Variants in SORBS2 observed in about 807,000 individuals in gnomAD.
The protein encoded by SORBS2 is sorbin and SH3 domain containing 2.
SORBS2 carries 46 observed loss-of-function variants against 97.7 expected under a neutral mutation model. That is an observed-to-expected ratio of 0.47 (90% confidence interval 0.37 to 0.60). The LOEUF is 0.60. Ranked by LOEUF, SORBS2 falls within the 20% of genes least tolerant of loss-of-function variation. SORBS2 has a pLI of 0.00. For synonymous variants in SORBS2, 476 were observed against 473.4 expected (o/e 1.01, Z -0.07); for missense variants, 1,316 against 1,282.3 (o/e 1.03, Z -0.40).
intron 4 of SORBS2, 81 bp downstream of exon 7, chr4:185,678,342 C>T (rs2097825211): frequency 8.8e-7 from 1 of 1,136,314 alleles, no homozygotes; most frequent in Non-Finnish European, 1.2e-6. Context: ...TTGAAATACG[C>T]ACATTAGGAA....
intron 1 of SORBS2, among the ~76,000 whole-genome samples, chr4:185,879,289 A>G (rs1014378462): frequency 6.7e-6 from 1 of 149,328 alleles, no homozygotes; most frequent in East Asian, 2.0e-4. Flanking sequence ...CTGTCCTTGC[A>G]ATAGTTTGCT....
intron 1 of SORBS2, among the ~76,000 whole-genome samples, chr4:185,825,579 AT>A (rs2099199321): frequency 6.6e-6 from 1 of 151,942 alleles, no homozygotes; most frequent in African/African-American, 2.4e-5. Context: ...CATTTCTGTT[AT>A]TTTTCTTTTT....
At chr4:185,920,018 C>T (rs1004783584) in intron 1 of SORBS2, among the ~76,000 whole-genome samples, 2 of 152,134 alleles carry the variant, frequency 1.3e-5, no homozygotes, top group South Asian at 2.1e-4. Flanking sequence ...CTTAATATTT[C>T]CATTTAAGAA....
intron 2 of SORBS2, among the ~76,000 whole-genome samples, chr4:185,716,839 T>C (rs1015104876): frequency 3.3e-5 from 5 of 152,120 alleles, no homozygotes; most frequent in Admixed American, 3.3e-4. Context: ...GAAACATCAG[T>C]GGAGGGAGGA....
chr4:185,657,261 T>C, upstream of SORBS2: 1 of 556,970 alleles, frequency 1.8e-6, no homozygotes, highest in Non-Finnish European at 2.8e-6. Context: ...ATCAACAGCT[T>C]TCTTTCTCTG....
chr4:185,600,910 T>C (rs1038464732), intron 12 of SORBS2, among the ~76,000 whole-genome samples: 26 of 120,008 alleles, frequency 2.2e-4, no homozygotes, highest in Non-Finnish European at 4.0e-4. Context: ...GTTTTGGTGT[T>C]TTTTTTTTAT....
At chr4:185,603,497 G>C (rs1399145095) in intron 12 of SORBS2, among the ~76,000 whole-genome samples, 3 of 152,178 alleles carry the variant, frequency 2.0e-5, no homozygotes, top group Admixed American at 6.5e-5. Flanking sequence ...GAATGGGTTT[G>C]GTGGTAGTGG....
chr4:185,924,457 A>G (rs4862593), intron 1 of SORBS2, among the ~76,000 whole-genome samples: 57,647 of 152,058 alleles, frequency 0.38, 11,112 homozygotes, highest in East Asian at 0.57. Flanking sequence ...CCTAGCAGAA[A>G]AGCCCCCACC....
intron 12 of SORBS2, among the ~76,000 whole-genome samples, chr4:185,602,673 G>A (rs1174697446): frequency 6.6e-6 from 1 of 152,164 alleles, no homozygotes; most frequent in Non-Finnish European, 1.5e-5. Context: ...TCAGTGCTGG[G>A]TTATTTCTTT....
At chr4:185,664,519 C>T (rs1021594147) in intron 4 of SORBS2, among the ~76,000 whole-genome samples, 2 of 152,180 alleles carry the variant, frequency 1.3e-5, no homozygotes, top group Admixed American at 1.3e-4. Flanking sequence ...GGAACCCACA[C>T]CTGCTGTGCT....
At chr4:185,748,350 G>A (rs1377934727) in intron 2 of SORBS2, among the ~76,000 whole-genome samples, 2 of 152,168 alleles carry the variant, frequency 1.3e-5, no homozygotes, top group Non-Finnish European at 2.9e-5. Flanking sequence ...TTTCAATCAT[G>A]CTGGTTTTGA....
chr4:185,623,913 G>A lies in SORBS2; in HGVS notation c.1216C>T (p.Pro406Ser). ...ATGCGTGTGGGCACCATGTCCCGGG[G>A]CACCTCCTCCGTGGAGCACTGGCTC... Residue 406 changes from proline to serine, a missense_variant, in exon 7 of 15, where the codon CCC (proline) becomes TCC (serine). Physicochemically the swap from Pro to Ser is moderately conservative, Grantham distance 74. Coordinates refer to ENST00000418609, the Ensembl canonical transcript of SORBS2. This position sits in a 1 kb window ranked among gnomAD's most constrained non-coding sequence, Gnocchi z 6.4. The A allele has an allele frequency of 6.8e-6, 11 of 1,614,182 alleles. No homozygotes were observed. The highest frequency in any genetic ancestry group is 9.3e-6 in the Non-Finnish European group (11 of 1,180,036).
At chr4:185,926,317 G>A (rs979823621) in intron 1 of SORBS2, among the ~76,000 whole-genome samples, 6 of 152,204 alleles carry the variant, frequency 3.9e-5, no homozygotes, top group Non-Finnish European at 7.3e-5. Flanking sequence ...TGGCGGCACG[G>A]GTAGAGGAAA....
At chr4:185,769,389 GTGT>G (rs749168878) in intron 2 of SORBS2, among the ~76,000 whole-genome samples, 5 of 152,310 alleles carry the variant, frequency 3.3e-5, no homozygotes, top group Non-Finnish European at 7.4e-5. Context: ...GGAAAATCTG[GTGT>G]TGTTTGGCAT....
intron 1 of SORBS2, among the ~76,000 whole-genome samples, chr4:185,824,828 C>A (rs1191162832): frequency 1.3e-5 from 2 of 152,170 alleles, no homozygotes; most frequent in Non-Finnish European, 1.5e-5. Context: ...AGACTGATTG[C>A]TCTTTTTAGA....
At chr4:185,705,581 C>T (rs1017777369) in intron 2 of SORBS2, among the ~76,000 whole-genome samples, 1 of 151,954 alleles carries the variant, frequency 6.6e-6, no homozygotes, top group African/African-American at 2.4e-5. Context: ...AAAAAAAATT[C>T]CTTAAAGTTT....
At chr4:185,812,759 C>T (rs1408666508) in intron 1 of SORBS2, among the ~76,000 whole-genome samples, 1 of 152,112 alleles carries the variant, frequency 6.6e-6, no homozygotes, top group South Asian at 2.1e-4. Flanking sequence ...CTTTAAATAT[C>T]CATTTACTTA....
At chr4:185,686,658 T>C (rs6552908) in intron 2 of SORBS2, among the ~76,000 whole-genome samples, 151,495 of 152,358 alleles carry the variant, frequency 0.99, 75,319 homozygotes, top group East Asian at 1. Flanking sequence ...TAGTCAAAGG[T>C]GTTGAAAGTA....
chr4:185,841,759 G>A (rs2099211698), intron 1 of SORBS2, among the ~76,000 whole-genome samples: 1 of 152,128 alleles, frequency 6.6e-6, no homozygotes, highest in Admixed American at 6.5e-5. Context: ...ACTAGCAGTG[G>A]CTTCTCTGAC....
Sources: gnomAD v4.1 joint callset for allele counts (sites outside exome capture counted in the v4.1 genomes callset) on GRCh38, gnomAD v4.1.1 for gene constraint, Gnocchi (gnomAD v3.1) non-coding constraint, MANE v1.5 for transcripts, NCBI Gene and HGNC (gene_info 2026-07-23, HGNC 2026-07-21) for gene names.